CSMD1: variants seen among roughly 807,000 people sequenced by gnomAD.
The protein encoded by CSMD1 is CUB and Sushi multiple domains 1, also known as CUB and sushi domain-containing protein 1.
CSMD1 carries 213 observed loss-of-function variants against 417.5 expected under a neutral mutation model. The observed-to-expected ratio is 0.51, with a 90% CI of 0.46 to 0.57. The LOEUF (loss-of-function observed/expected upper bound fraction) is 0.57. Among genes scored for constraint, CSMD1 ranks in the 20% least tolerant of loss-of-function variants. The probability of loss-of-function intolerance (pLI) is 0.00; values close to 1 mark genes in which losing one functional copy is unlikely to be tolerated. For synonymous variants in CSMD1, 2,862 were observed against 1,736.8 expected (o/e 1.65, Z -16.11); for missense variants, 6,923 against 4,529.7 (o/e 1.53, Z -15.17).
At chr8:4,764,905 A>AG (rs1491548478) in intron 1 of CSMD1, among the ~76,000 whole-genome samples, 1 of 556 alleles carries the variant, frequency 1.8e-3, no homozygotes, top group Non-Finnish European at 9.1e-3. Flanking sequence ...CAACAACAAC[A>AG]AAAAAAAACC....
At chr8:3,484,393 C>A (rs565818707) in intron 11 of CSMD1, among the ~76,000 whole-genome samples, 1 of 152,274 alleles carries the variant, frequency 6.6e-6, no homozygotes, top group East Asian at 1.9e-4. Context: ...CCAGGCAAAC[C>A]GTGAACCTCA....
intron 2 of CSMD1, among the ~76,000 whole-genome samples, chr8:4,515,454 T>C (rs1453657274): frequency 1.3e-5 from 2 of 152,166 alleles, no homozygotes; most frequent in African/African-American, 4.8e-5. Flanking sequence ...GGAGAGTTAA[T>C]ATCTGATCTG....
At chr8:4,022,711 G>A (rs964495926) in intron 4 of CSMD1, among the ~76,000 whole-genome samples, 5 of 152,186 alleles carry the variant, frequency 3.3e-5, no homozygotes, top group Non-Finnish European at 7.3e-5. Context: ...TTGAAAAGCT[G>A]TGGTGAAGTG....
At chr8:4,718,536 C>G (rs957718623) in intron 1 of CSMD1, among the ~76,000 whole-genome samples, 1 of 151,404 alleles carries the variant, frequency 6.6e-6, no homozygotes, top group Non-Finnish European at 1.5e-5. Flanking sequence ...TAAGTACTAG[C>G]TAAGGGAATT....
At chr8:3,204,151 G>C (rs1017884538) in intron 31 of CSMD1, among the ~76,000 whole-genome samples, 1 of 152,210 alleles carries the variant, frequency 6.6e-6, no homozygotes, top group Non-Finnish European at 1.5e-5. Flanking sequence ...CTTTCTGCCA[G>C]ATAGGATGTG....
In CSMD1 at chr8:3,930,210, A is replaced by C. The variant is rs147213827; in HGVS notation, c.818+67693T>G. Among the ~76,000 whole-genome samples, 1,262 of 150,310 alleles carry C rather than the reference A, an allele frequency of 8.4e-3. 92 individuals are homozygous for C. Among genetic ancestry groups the C allele is most frequent in the African/African-American group, 0.03 (1,222 of 40,768 alleles). On this transcript the variant is annotated intron_variant, in intron 5 of 69. Coordinates refer to ENST00000635120, the MANE Select transcript of CSMD1 (RefSeq NM_033225.6). ...CGTATCTATTAGATGATGATTCTAT[A>C]CGTGACAAGTAAAGTAGAGGTCCTT...
chr8:3,651,356 C>T (rs1024073094), intron 7 of CSMD1, among the ~76,000 whole-genome samples: 3 of 152,158 alleles, frequency 2.0e-5, no homozygotes, highest in Admixed American at 6.5e-5. Context: ...ACACACTTCA[C>T]ATAGGTCTTC....
chr8:3,364,613 A>C (rs1809431707), intron 20 of CSMD1, among the ~76,000 whole-genome samples: 1 of 152,148 alleles, frequency 6.6e-6, no homozygotes. Flanking sequence ...TGTTTATGTC[A>C]TGAGGGACCC....
intron 10 of CSMD1, among the ~76,000 whole-genome samples, chr8:3,529,823 T>A (rs960397604): frequency 5.9e-5 from 9 of 152,180 alleles, no homozygotes; most frequent in Middle Eastern, 3.2e-3. Context: ...CCACTCTCAG[T>A]GATCTGTAAG....
intron 10 of CSMD1, among the ~76,000 whole-genome samples, chr8:3,500,285 T>G (rs1051106219): frequency 1.3e-5 from 2 of 152,160 alleles, no homozygotes; most frequent in African/African-American, 4.8e-5. Flanking sequence ...AGGAAAGTGC[T>G]GGGCACTCTA....
At chr8:4,224,235 A>C (rs201126571) in intron 3 of CSMD1, among the ~76,000 whole-genome samples, 1 of 16 alleles carries the variant, frequency 0.062, no homozygotes, top group Non-Finnish European at 0.17. Context: ...CCTTTTTCAG[A>C]AAAAAAAAAT....
rs1370728598 is a variant in CSMD1, at chr8:3,817,878, A to C, written c.819-63836T>G. On this transcript the variant is annotated intron_variant, in intron 5 of 69. Transcript: ENST00000635120. ...GCATACCCTTCACGGCTTCACACTA[A>C]GGACATTCTTGCTAAGATGCAGATT... Among the ~76,000 whole-genome samples, 4 of 152,278 alleles carry C rather than the reference A, an allele frequency of 2.6e-5. No homozygotes were observed. The East Asian group carries it at 7.7e-4, about 29-fold the overall frequency.
At chr8:4,102,025 G>T (rs986834843) in intron 3 of CSMD1, among the ~76,000 whole-genome samples, 2 of 152,196 alleles carry the variant, frequency 1.3e-5, no homozygotes, top group Non-Finnish European at 2.9e-5. Context: ...TACTGTCACA[G>T]ATATGCAGAA....
chr8:3,010,746 CTT>C (rs34404492), intron 52 of CSMD1, among the ~76,000 whole-genome samples: 8 of 143,252 alleles, frequency 5.6e-5, no homozygotes, highest in Admixed American at 7.1e-5. Context: ...CTATTCCCAA[CTT>C]TTTTTTTTTT....
intron 3 of CSMD1, among the ~76,000 whole-genome samples, chr8:4,379,260 A>T (rs1802947646): frequency 6.6e-6 from 1 of 152,168 alleles, no homozygotes; most frequent in African/African-American, 2.4e-5. Context: ...GGGACTTTTT[A>T]AAAAATAGGT....
At chr8:3,780,114 C>T (rs576892227) in intron 5 of CSMD1, among the ~76,000 whole-genome samples, 5 of 152,144 alleles carry the variant, frequency 3.3e-5, no homozygotes, top group Non-Finnish European at 7.3e-5. Flanking sequence ...CATTAGAAGG[C>T]TTGCGCTGAT....
At chr8:3,509,732 A>G (rs934127913) in intron 10 of CSMD1, among the ~76,000 whole-genome samples, 10 of 152,226 alleles carry the variant, frequency 6.6e-5, no homozygotes, top group African/African-American at 2.4e-4. Context: ...TTAACAGAAT[A>G]ATCAGAGTGA....
intron 5 of CSMD1, among the ~76,000 whole-genome samples, chr8:3,781,752 T>G (rs564539671): frequency 6.6e-6 from 1 of 152,190 alleles, no homozygotes; most frequent in African/African-American, 2.4e-5. Context: ...GACAATCTGA[T>G]AGAGACAACA....
chr8:3,523,273 C>T (rs11995346), intron 10 of CSMD1, among the ~76,000 whole-genome samples: 1 of 152,110 alleles, frequency 6.6e-6, no homozygotes, highest in Non-Finnish European at 1.5e-5. Flanking sequence ...AAAATAAAGC[C>T]TACATAAGAA....
Sources: gnomAD v4.1 joint callset for allele counts (sites outside exome capture counted in the v4.1 genomes callset) on GRCh38, gnomAD v4.1.1 for gene constraint, MANE v1.5 for transcripts, NCBI Gene and HGNC (gene_info 2026-07-23, HGNC 2026-07-21) for gene names.